LMAN2L: variants seen among roughly 807,000 people sequenced by gnomAD.
LMAN2L encodes VIP36-like protein.
LMAN2L carries 30 observed loss-of-function variants against 44.3 expected under a neutral mutation model. That is an observed-to-expected ratio of 0.68 (90% CI 0.51 to 0.92). The LOEUF is 0.92. LMAN2L is among the 40% of genes least tolerant of loss of function. The pLI, the probability that LMAN2L is intolerant of heterozygous loss-of-function variation, is 0.00. For missense variants in LMAN2L, 429 were observed against 446.1 expected (o/e 0.96, Z 0.35); for synonymous variants, 183 against 171.1 (o/e 1.07, Z -0.54).
chr2:96,727,649 A>G (rs1422099584), intron 4 of LMAN2L, among the ~76,000 whole-genome samples: 1 of 152,194 alleles, frequency 6.6e-6, no homozygotes, highest in Non-Finnish European at 1.5e-5. Flanking sequence ...TAAGAGGTTG[A>G]GCAACAGGGT....
intron 4 of LMAN2L, among the ~76,000 whole-genome samples, chr2:96,730,349 AC>A (rs2078366362): frequency 6.6e-6 from 1 of 151,934 alleles, no homozygotes; most frequent in Non-Finnish European, 1.5e-5. Flanking sequence ...TAATGTACCT[AC>A]CCCTTCAGAA....
At chr2:96,732,791 CTT>C (rs567344079) in intron 4 of LMAN2L, among the ~76,000 whole-genome samples, 29 of 141,816 alleles carry the variant, frequency 2.0e-4, no homozygotes, top group Admixed American at 2.1e-4. Flanking sequence ...TTCTTTCTTT[CTT>C]TTTTTTTTTT....
At chr2:96,738,721 C>T (rs540088240) in intron 1 of LMAN2L, among the ~76,000 whole-genome samples, 4 of 151,714 alleles carry the variant, frequency 2.6e-5, no homozygotes, top group African/African-American at 2.4e-5. Flanking sequence ...CTCAGGCCTC[C>T]GGGGCTTAGT....
At chr2:96,726,038 A>G (rs949875142) in intron 4 of LMAN2L, among the ~76,000 whole-genome samples, 3 of 151,908 alleles carry the variant, frequency 2.0e-5, no homozygotes, top group Non-Finnish European at 4.4e-5. Flanking sequence ...AGGCTGAGGC[A>G]GAAGAATCAC....
chr2:96,739,780 C>G, intron 1 of LMAN2L, 74 bp downstream of exon 1: 1 of 1,496,220 alleles, frequency 6.7e-7, no homozygotes, highest in Non-Finnish European at 9.2e-7. Flanking sequence ...CCCTTCGCCG[C>G]CCCCGCCTCT....
chr2:96,721,414 C>T (rs1453473486), intron 4 of LMAN2L, among the ~76,000 whole-genome samples: 1 of 148,916 alleles, frequency 6.7e-6, no homozygotes, highest in Non-Finnish European at 1.5e-5. Context: ...CTCATTGCAA[C>T]CTCGAGGTCC....
rs375445834 is a variant in LMAN2L at position 96,733,499 on chromosome 2, G to T, written c.507+20C>A. 2 of 1,580,060 alleles carry T rather than the reference G, an allele frequency of 1.3e-6. No individual in the cohort carries two copies. The highest frequency in any genetic ancestry group is 1.7e-6 in the Non-Finnish European group (2 of 1,149,196). ...TGTGATGTCAGTGTAGCTGACCTAG[G>T]CTCTGACACTTGCCATTACCTCTTG... is the stretch of plus-strand genomic sequence containing the variant. On this transcript the variant is annotated intron_variant, in intron 4 of 7. Coordinates refer to ENST00000264963, the MANE Select transcript of LMAN2L (RefSeq NM_030805.4).
At chr2:96,737,499 A>T (rs1387959318) in intron 2 of LMAN2L, among the ~76,000 whole-genome samples, 1 of 152,160 alleles carries the variant, frequency 6.6e-6, no homozygotes, top group African/African-American at 2.4e-5. Context: ...AAAACGTTTT[A>T]AAAATTAGCC....
intron 4 of LMAN2L, among the ~76,000 whole-genome samples, chr2:96,728,152 A>ATACT (rs1269426065): frequency 6.6e-6 from 1 of 152,214 alleles, no homozygotes; most frequent in East Asian, 1.9e-4. Flanking sequence ...AGAAAGGAAG[A>ATACT]TACTTTCCAT....
chr2:96,716,849 T>A (rs570049467), intron 4 of LMAN2L, among the ~76,000 whole-genome samples: 2 of 152,202 alleles, frequency 1.3e-5, no homozygotes, highest in East Asian at 3.8e-4. Flanking sequence ...TCATATGTAT[T>A]ATTTTTTTAA....
intron 4 of LMAN2L, among the ~76,000 whole-genome samples, chr2:96,716,451 C>CCATA (rs2078042233): frequency 6.6e-6 from 1 of 152,166 alleles, no homozygotes; most frequent in Admixed American, 6.5e-5. Context: ...CCATCTCAAA[C>CCATA]CATACCATTG....
In LMAN2L at chr2:96,724,054, G is replaced by A. The variant is rs191369564; in HGVS notation, c.507+9465C>T. ...GCAGAGCTTGCAGTGAGCCGAGATC[G>A]TGCCACTGCACTCCAGCCTGGGAGA... is the stretch of plus-strand genomic sequence containing the variant. On this transcript the variant is annotated intron_variant, in intron 4 of 7. Coordinates refer to ENST00000264963, the MANE Select transcript of LMAN2L (RefSeq NM_030805.4). 2.3e-4 allele frequency among the ~76,000 whole-genome samples: 35 copies of A among 151,736 alleles called. 2 individuals are homozygous for A. In the East Asian group the frequency reaches 6.0e-3, roughly 26 times the overall value.
chr2:96,720,118 C>T (rs1574009272), intron 4 of LMAN2L, among the ~76,000 whole-genome samples: 1 of 151,922 alleles, frequency 6.6e-6, no homozygotes, highest in African/African-American at 2.4e-5. Context: ...GAGGAAAAAA[C>T]AATCATCACA....
chr2:96,734,266 G>C (rs1172520538), intron 3 of LMAN2L, 143 bp downstream of exon 3: 1 of 679,888 alleles, frequency 1.5e-6, no homozygotes, highest in Admixed American at 2.2e-5. Flanking sequence ...CCGTTCTAGA[G>C]ACTAGAAGGG....
chr2:96,721,825 AT>A (rs1408704196), intron 4 of LMAN2L, among the ~76,000 whole-genome samples: 1 of 151,842 alleles, frequency 6.6e-6, no homozygotes, highest in African/African-American at 2.4e-5. Flanking sequence ...AATATATCAC[AT>A]TTTGTTTATC....
chr2:96,724,566 T>C (rs1031769324), intron 4 of LMAN2L, among the ~76,000 whole-genome samples: 1 of 152,190 alleles, frequency 6.6e-6, no homozygotes. Context: ...AGTGCAGCGA[T>C]GCGATCGTGG....
At chr2:96,731,208 T>G (rs977680973) in intron 4 of LMAN2L, among the ~76,000 whole-genome samples, 5 of 152,220 alleles carry the variant, frequency 3.3e-5, no homozygotes, top group African/African-American at 1.2e-4. Context: ...CATGTTATCT[T>G]GCTCACTAAT....
rs2078600206 is a variant in LMAN2L at position 96,739,941 on chromosome 2, C to T, written c.100G>A (p.Gly34Arg). ...SRMLLLLLLL[G>R]SGQGPQQVGA... ...ACTTGCTGTGGCCCCTGCCCAGACC[C>T]CAACAAAAGAAGAAGGAGTAACATC... The change falls in exon 1 of 8, where the codon GGG becomes AGG. Residue 34 changes from glycine (G) to arginine (R), a missense_variant. Transcript: ENST00000264963. 1.2e-6 allele frequency: 2 copies of T among 1,613,990 alleles called. No individual in the cohort carries two copies. The highest frequency in any genetic ancestry group is 1.7e-5 in the Admixed American group (1 of 59,994).
At chr2:96,735,186 A>G (rs1385868092) in intron 2 of LMAN2L, among the ~76,000 whole-genome samples, 2 of 152,208 alleles carry the variant, frequency 1.3e-5, no homozygotes, top group African/African-American at 4.8e-5. Flanking sequence ...TGGATGGTTA[A>G]GTGTTTTAAA....
Sources: allele counts gnomAD v4.1 joint callset (sites outside exome capture counted in the v4.1 genomes callset), GRCh38; gene constraint gnomAD v4.1.1; transcripts MANE v1.5; gene names NCBI Gene and HGNC (gene_info 2026-07-23, HGNC 2026-07-21).